The following RAB11FIP1 variants were observed in gnomAD, a reference collection of about 807,000 sequenced individuals.
RAB11FIP1 encodes RAB11 family interacting protein 1.
In RAB11FIP1, 49 loss-of-function variants were observed where a neutral mutation model predicts 83.1. That is an observed-to-expected ratio of 0.59 (90% CI 0.47 to 0.75). The LOEUF (loss-of-function observed/expected upper bound fraction) is 0.75. RAB11FIP1 is among the 30% of genes least tolerant of loss of function. RAB11FIP1 has a pLI of 0.00. For synonymous variants in RAB11FIP1, 670 were observed against 656.0 expected (o/e 1.02, Z -0.33); for missense variants, 1,536 against 1,598.7 (o/e 0.96, Z 0.67).
Position 37,863,045 on chromosome 8 carries a change from G to A in RAB11FIP1, c.3702C>T (p.Val1234=), listed in dbSNP as rs918515970. The A allele has an allele frequency of 1.2e-6, 2 of 1,613,286 alleles. No homozygotes were observed. The highest frequency in any genetic ancestry group is 1.7e-6 in the Non-Finnish European group (2 of 1,180,006). The change falls in exon 6 of 6, where the codon GTC becomes GTT. Residue 1234 remains valine, a synonymous_variant. Transcript: ENST00000330843. Reference sequence around the variant, plus strand: ...TGCTTATCGTTTCCTTCTGTTTGAGGACCAGCTGAATCAGCTCATCGTGGG... The same window carrying A: ...TGCTTATCGTTTCCTTCTGTTTGAGAACCAGCTGAATCAGCTCATCGTGGG... ...QLTHDELIQL[V]LKQKETISKK...
chr8:37,890,024 A>G (rs925938199), intron 1 of RAB11FIP1, among the ~76,000 whole-genome samples: 3 of 152,208 alleles, frequency 2.0e-5, no homozygotes, highest in Non-Finnish European at 4.4e-5. Flanking sequence ...ACCTCAAGTG[A>G]TCCACCCACC....
At chr8:37,878,905 G>T (rs1806678995) in intron 1 of RAB11FIP1, among the ~76,000 whole-genome samples, 1 of 152,064 alleles carries the variant, frequency 6.6e-6, no homozygotes, top group South Asian at 2.1e-4. Flanking sequence ...ATGAGCCTAG[G>T]AATTCGAGGC....
intron 1 of RAB11FIP1, among the ~76,000 whole-genome samples, chr8:37,881,498 G>A (rs747203148): frequency 3.3e-5 from 5 of 152,138 alleles, no homozygotes; most frequent in South Asian, 2.1e-4. Context: ...GTCATAAATC[G>A]TTGAGATTAC....
Position 37,871,811 on chromosome 8 carries a change from T to C in RAB11FIP1, c.2991A>G (p.Gly997=), listed in dbSNP as rs757508213. The change falls in exon 4 of 6, where the codon GGA becomes GGG. Residue 997 remains glycine (G), a synonymous_variant. Coordinates refer to ENST00000330843, the MANE Select transcript of RAB11FIP1 (RefSeq NM_001002814.3). ...ETAKSSTLDI[G]ALSLGLVVPC... ...GGACTACCAAGCCCAAGGACAAAGC[T>C]CCTATGTCCAGAGTTGACGACTTTG... The C allele has an allele frequency of 2.5e-6, 4 of 1,613,866 alleles. No homozygotes were observed. In the African/African-American group the frequency reaches 5.3e-5, roughly 22 times the overall value.
intron 1 of RAB11FIP1, among the ~76,000 whole-genome samples, chr8:37,896,075 T>A (rs549688155): frequency 4.6e-5 from 7 of 152,190 alleles, no homozygotes; most frequent in African/African-American, 1.4e-4. Flanking sequence ...TTTGGGAGGC[T>A]GAGGCGGGTG....
rs762748473 is a variant in RAB11FIP1, at chr8:37,874,606, T to C, written c.1531A>G (p.Thr511Ala). The C allele has an allele frequency of 1.2e-6, 2 of 1,614,178 alleles. No individual in the cohort carries two copies. Among genetic ancestry groups the C allele is most frequent in the East Asian group, 4.5e-5 (2 of 44,888 alleles). ...GACTCTGGCTCAGCTTCTGGTTCTGTGATCTGCACATCTTCAAAGAGGTTC... is the reference window on the plus strand; with the variant it reads ...GACTCTGGCTCAGCTTCTGGTTCTGCGATCTGCACATCTTCAAAGAGGTTC... ...SLNLFEDVQI[T>A]EPEAEPESKS... is the part of the protein sequence containing the mutation. The change falls in exon 3 of 6, where the codon ACA becomes GCA. Residue 511 changes from threonine to alanine, a missense_variant. Physicochemically the swap from Thr to Ala is moderately conservative, Grantham distance 58 (BLOSUM62 0). Coordinates refer to ENST00000330843, the MANE Select transcript of RAB11FIP1 (RefSeq NM_001002814.3).
In RAB11FIP1 at chr8:37,860,719, C is replaced by T. The variant is rs1014498098; in HGVS notation, c.*2176G>A. ...AAGTATGTAAATAAATTTCATAGCACTACAAAAATACAAGTCATCTGAGAA... is the reference window on the plus strand; with the variant it reads ...AAGTATGTAAATAAATTTCATAGCATTACAAAAATACAAGTCATCTGAGAA... On this transcript the variant is annotated 3_prime_UTR_variant, in exon 6 of 6. Coordinates refer to ENST00000330843, the MANE Select transcript of RAB11FIP1 (RefSeq NM_001002814.3). 2 of 152,576 alleles carry T rather than the reference C, an allele frequency of 1.3e-5. No individual in the cohort carries two copies. Among genetic ancestry groups the T allele is most frequent in the African/African-American group, 4.8e-5 (2 of 41,424 alleles). The allele number at this position is 152,576 out of a possible 1,614,324, so 9.5% of individuals were successfully genotyped here.
At chr8:37,863,740 C>T (rs889154276) in intron 5 of RAB11FIP1, among the ~76,000 whole-genome samples, 11 of 152,168 alleles carry the variant, frequency 7.2e-5, no homozygotes, top group Non-Finnish European at 1.3e-4. Context: ...AAAAACCATA[C>T]TTGCCTCACA....
At chr8:37,870,568 A>G (rs1365583378) in intron 4 of RAB11FIP1, 40 bp from the exon 5 acceptor site, 1 of 1,142,770 alleles carries the variant, frequency 8.8e-7, no homozygotes, top group Non-Finnish European at 1.3e-6. Context: ...CCCTCCGGTC[A>G]TGGCAAAACT....
In RAB11FIP1 at chr8:37,872,539, G is replaced by A; in HGVS notation, c.2263C>T (p.Gln755Ter). The A allele has an allele frequency of 6.2e-7, 1 of 1,614,222 alleles. No homozygotes were observed. The highest frequency in any genetic ancestry group is 8.5e-7 in the Non-Finnish European group (1 of 1,180,034). ...TTGCTCTCCACAAGAGACCCAGCCTGACTCTCCAAGTCTCTGTCTCCTCCT... is the reference window on the plus strand; with the variant it reads ...TTGCTCTCCACAAGAGACCCAGCCTAACTCTCCAAGTCTCTGTCTCCTCCT... ...AAGGDRDLES[Q>*]AGSLVESKAR... is the part of the protein sequence containing the mutation. The change falls in exon 4 of 6, where the codon CAG (glutamine) becomes TAG (stop). Residue 755 changes from glutamine to a stop codon, truncating the protein, a stop_gained. Coordinates refer to ENST00000330843, the MANE Select transcript of RAB11FIP1 (RefSeq NM_001002814.3). LOFTEE classifies it high-confidence loss of function.
chr8:37,887,530 C>CAA (rs572127005), intron 1 of RAB11FIP1, among the ~76,000 whole-genome samples: 1 of 74,950 alleles, frequency 1.3e-5, no homozygotes. Flanking sequence ...GACGCCATCT[C>CAA]AAAAAAAAAA....
chr8:37,872,087 C>A lies in RAB11FIP1; in HGVS notation c.2715G>T (p.Ala905=). Residue 905 remains alanine (A), a synonymous_variant, in exon 4 of 6, where the codon GCG becomes GCT. Coordinates refer to ENST00000330843, the MANE Select transcript of RAB11FIP1 (RefSeq NM_001002814.3). The part of the protein sequence containing the change: ...SEVPMSEASS[A]KDTPLFRMEG... Reference sequence around the variant, plus strand: ...CCATCCTAAAGAGTGGAGTGTCTTTCGCTGAGCTTGCTTCACTCATGGGGA... The same window carrying A: ...CCATCCTAAAGAGTGGAGTGTCTTTAGCTGAGCTTGCTTCACTCATGGGGA... 1 of 1,614,090 alleles carries A rather than the reference C, an allele frequency of 6.2e-7. No homozygotes were observed. The highest frequency in any genetic ancestry group is 1.1e-5 in the South Asian group (1 of 91,076).
At chr8:37,889,593 T>C (rs1392336779) in intron 1 of RAB11FIP1, among the ~76,000 whole-genome samples, 2 of 152,152 alleles carry the variant, frequency 1.3e-5, no homozygotes, top group Non-Finnish European at 2.9e-5. Context: ...AATGCAATAG[T>C]TTGGTTCACC....
At chr8:37,871,143 G>T in intron 4 of RAB11FIP1, 135 bp downstream of exon 4, 2 of 1,194,928 alleles carry the variant, frequency 1.7e-6, no homozygotes, top group Non-Finnish European at 2.3e-6. Context: ...ACAAGGGGCA[G>T]CCCTACCAGC....
chr8:37,879,669 G>A (rs1806696575), intron 1 of RAB11FIP1, among the ~76,000 whole-genome samples: 1 of 152,174 alleles, frequency 6.6e-6, no homozygotes, highest in Non-Finnish European at 1.5e-5. Flanking sequence ...GATCACTTGA[G>A]GTCAGGAGTT....
intron 5 of RAB11FIP1, among the ~76,000 whole-genome samples, chr8:37,869,509 T>G (rs1053433229): frequency 6.6e-6 from 1 of 152,042 alleles, no homozygotes; most frequent in Non-Finnish European, 1.5e-5. Context: ...GGAGAATCGC[T>G]TAAACCCAGG....
At position 37,871,532 on chromosome 8, in the gene RAB11FIP1, G is replaced by C. The variant is rs1806460107; in HGVS notation, c.3270C>G (p.Ser1090=). ...AGGGGCTGGGTACAGGATTGTCCAG[G>C]GATGTGCCAGGAGGCGGGCTTGGAC... is the stretch of plus-strand genomic sequence containing the variant. ...NGSPSPPPGT[S]LDNPVPSPSP... is the part of the protein sequence containing the mutation. The change falls in exon 4 of 6, where the codon TCC becomes TCG. Residue 1090 remains serine (S), a synonymous_variant. Coordinates refer to ENST00000330843, the MANE Select transcript of RAB11FIP1 (RefSeq NM_001002814.3). The C allele has an allele frequency of 1.2e-6, 2 of 1,605,036 alleles. No homozygotes were observed. The highest frequency in any genetic ancestry group is 1.7e-6 in the Non-Finnish European group (2 of 1,174,478).
chr8:37,870,610 G>A, intron 4 of RAB11FIP1, 82 bp from the exon 5 acceptor site: 1 of 710,378 alleles, frequency 1.4e-6, no homozygotes, highest in Non-Finnish European at 2.4e-6. Context: ...ACGGCAGCCA[G>A]TAAGCCAGAC....
intron 1 of RAB11FIP1, among the ~76,000 whole-genome samples, chr8:37,882,500 C>T (rs1231314626): frequency 6.6e-6 from 1 of 152,130 alleles, no homozygotes; most frequent in African/African-American, 2.4e-5. Context: ...TGTAGTAGGG[C>T]ACATCTCTCA....
Sources: allele counts gnomAD v4.1 joint callset (sites outside exome capture counted in the v4.1 genomes callset), GRCh38; gene constraint gnomAD v4.1.1; transcripts MANE v1.5; gene names NCBI Gene and HGNC (gene_info 2026-07-23, HGNC 2026-07-21).